Variants in RBFOX1 observed in about 807,000 individuals in gnomAD.
RBFOX1 encodes RNA binding fox-1 homolog 1.
Under a neutral mutation model 57.7 loss-of-function variants are expected in RBFOX1, and 8 were observed. The ratio of observed to expected loss-of-function variants is 0.14; its 90% CI spans 0.08 to 0.25. The LOEUF (loss-of-function observed/expected upper bound fraction) is 0.25. RBFOX1 is among the 10% of genes least tolerant of loss of function. The pLI is 1.00. For synonymous variants in RBFOX1, 326 were observed against 222.4 expected (o/e 1.47, Z -4.15); for missense variants, 611 against 548.5 (o/e 1.11, Z -1.14).
intron 4 of RBFOX1, among the ~76,000 whole-genome samples, chr16:7,492,628 T>G (rs1415446897): frequency 6.6e-6 from 1 of 152,190 alleles, no homozygotes; most frequent in East Asian, 1.9e-4. Flanking sequence ...AGTGTTGGAC[T>G]TAGGGCCTGG....
chr16:6,477,830 A>C (rs2095298044), intron 2 of RBFOX1, among the ~76,000 whole-genome samples: 1 of 152,192 alleles, frequency 6.6e-6, no homozygotes, highest in African/African-American at 2.4e-5. Context: ...GATCTTAGCT[A>C]GATTTTCAGG....
intron 3 of RBFOX1, among the ~76,000 whole-genome samples, chr16:6,674,913 T>A (rs751156370): frequency 6.6e-6 from 1 of 152,022 alleles, no homozygotes; most frequent in Non-Finnish European, 1.5e-5. Context: ...TTTTTGTTTG[T>A]CTTTTGTTTT....
At chr16:5,442,834 C>T (rs1181566544) in intron 1 of RBFOX1, among the ~76,000 whole-genome samples, 1 of 152,160 alleles carries the variant, frequency 6.6e-6, no homozygotes, top group Admixed American at 6.5e-5. Context: ...CCCATGCAAC[C>T]TTGGAAATAA....
At chr16:7,528,188 G>A (rs949133192) in intron 5 of RBFOX1, among the ~76,000 whole-genome samples, 1 of 152,148 alleles carries the variant, frequency 6.6e-6, no homozygotes, top group Non-Finnish European at 1.5e-5. Context: ...TTCCTTAGGG[G>A]GCTTCACTGG....
At chr16:6,979,535 A>G (rs989111384) in intron 3 of RBFOX1, among the ~76,000 whole-genome samples, 2 of 152,178 alleles carry the variant, frequency 1.3e-5, no homozygotes, top group Non-Finnish European at 2.9e-5. Context: ...AATATCTTCA[A>G]TTGGATACAG....
chr16:7,503,129 A>G (rs2071560547), intron 4 of RBFOX1, among the ~76,000 whole-genome samples: 2 of 152,326 alleles, frequency 1.3e-5, no homozygotes. Context: ...TCACTAGAAC[A>G]TTCTGTCATC....
At chr16:6,572,567 A>C (rs548547254) in intron 2 of RBFOX1, among the ~76,000 whole-genome samples, 1 of 152,058 alleles carries the variant, frequency 6.6e-6, no homozygotes, top group African/African-American at 2.4e-5. Flanking sequence ...CCAGATGGAC[A>C]GCTATGTTTT....
intron 1 of RBFOX1, among the ~76,000 whole-genome samples, chr16:5,259,818 G>T (rs1426401000): frequency 6.6e-6 from 1 of 152,164 alleles, no homozygotes; most frequent in Non-Finnish European, 1.5e-5. Flanking sequence ...ACCCTCAGTT[G>T]ATTGAACTCA....
At chr16:5,572,438 A>T (rs942233121) in intron 2 of RBFOX1, among the ~76,000 whole-genome samples, 1 of 152,166 alleles carries the variant, frequency 6.6e-6, no homozygotes, top group East Asian at 1.9e-4. Flanking sequence ...ATTTTGGGTC[A>T]CTTTGTTGTG....
intron 1 of RBFOX1, among the ~76,000 whole-genome samples, chr16:6,226,125 C>T (rs900791713): frequency 4.7e-5 from 7 of 149,636 alleles, no homozygotes; most frequent in African/African-American, 9.9e-5. Flanking sequence ...TTTGGGAGGC[C>T]GAGGTGGGAG....
chr16:7,366,761 G>C (rs11860512), intron 4 of RBFOX1, among the ~76,000 whole-genome samples: 20,248 of 151,846 alleles, frequency 0.13, 2,067 homozygotes, highest in African/African-American at 0.29. Context: ...AGAGTAAGCA[G>C]AGAAAAACAC....
intron 1 of RBFOX1, among the ~76,000 whole-genome samples, chr16:6,022,057 G>A (rs923612813): frequency 6.6e-6 from 1 of 152,100 alleles, no homozygotes; most frequent in East Asian, 1.9e-4. Context: ...CTCCCATTCT[G>A]CTCTCTGCAT....
chr16:5,439,580 G>C (rs2068021153), intron 1 of RBFOX1, among the ~76,000 whole-genome samples: 1 of 152,026 alleles, frequency 6.6e-6, no homozygotes. Context: ...GGAATGAGAA[G>C]GCAGAGAAAG....
At chr16:7,312,875 C>G (rs191734887) in intron 4 of RBFOX1, among the ~76,000 whole-genome samples, 3 of 149,154 alleles carry the variant, frequency 2.0e-5, no homozygotes, top group Non-Finnish European at 4.5e-5. Flanking sequence ...AAGTGTAGAT[C>G]GTCACCCAGG....
rs2060036160 is a variant in RBFOX1 at position 6,690,419 on chromosome 16, A to C, written c.-16+35769A>C. ...TAAAGGGCCATCACACTTTTAAAAA[A>C]ATGGAGGGACTATTTGAAATGCAAA... On this transcript the variant is annotated intron_variant, in intron 3 of 15. Coordinates refer to ENST00000550418, the MANE Select transcript of RBFOX1 (RefSeq NM_018723.4). Among the ~76,000 whole-genome samples the C allele has an allele frequency of 5.9e-5, 9 of 152,326 alleles. No individual in the cohort carries two copies. In the South Asian group the frequency reaches 1.9e-3, roughly 32 times the overall value.
intron 1 of RBFOX1, among the ~76,000 whole-genome samples, chr16:6,181,190 C>T (rs1229409186): frequency 1.3e-5 from 2 of 152,148 alleles, no homozygotes; most frequent in Admixed American, 1.3e-4. Flanking sequence ...TCACTTCTAC[C>T]AATAATGCTG....
chr16:5,906,727 CTTTTTTTTT>C (rs57589514), intron 4 of RBFOX1, among the ~76,000 whole-genome samples: 81 of 71,486 alleles, frequency 1.1e-3, no homozygotes, highest in African/African-American at 3.7e-3. Context: ...ATCCTAGATT[CTTTTTTTTT>C]TTTTTTTTTT....
chr16:5,658,072 C>T (rs1233103737), intron 3 of RBFOX1, among the ~76,000 whole-genome samples: 1 of 152,092 alleles, frequency 6.6e-6, no homozygotes, highest in Non-Finnish European at 1.5e-5. Context: ...GATCCAGACT[C>T]CAGGGCAGGG....
chr16:6,611,776 C>T (rs1353581266), intron 2 of RBFOX1, among the ~76,000 whole-genome samples: 1 of 152,140 alleles, frequency 6.6e-6, no homozygotes, highest in Non-Finnish European at 1.5e-5. Context: ...TCATCTTCCC[C>T]TTCTCTCTCT....
Sources: gnomAD v4.1 joint callset for allele counts (sites outside exome capture counted in the v4.1 genomes callset) on GRCh38, gnomAD v4.1.1 for gene constraint, MANE v1.5 for transcripts, NCBI Gene and HGNC (gene_info 2026-07-23, HGNC 2026-07-21) for gene names.